The following PRKAR2B variants were observed in gnomAD, a reference collection of about 807,000 sequenced individuals.
PRKAR2B encodes protein kinase cAMP-dependent type II regulatory subunit beta.
In PRKAR2B, 14 loss-of-function variants were observed where a neutral mutation model predicts 49.9. The ratio of observed to expected loss-of-function variants is 0.28; its 90% CI spans 0.19 to 0.44. The LOEUF (loss-of-function observed/expected upper bound fraction) is 0.44, where lower values mean the gene tolerates loss of function less well. Ranked by LOEUF, PRKAR2B falls within the 20% of genes least tolerant of loss-of-function variation. The pLI is 1.00. For missense variants in PRKAR2B, 393 were observed against 537.9 expected (o/e 0.73, Z 2.67); for synonymous variants, 196 against 197.7 (o/e 0.99, Z 0.07).
chr7:107,129,472 A>G (rs1270299970), intron 4 of PRKAR2B, among the ~76,000 whole-genome samples: 1 of 152,190 alleles, frequency 6.6e-6, no homozygotes, highest in Non-Finnish European at 1.5e-5. Flanking sequence ...TAAGTAGCAG[A>G]TGGCTCACGG....
intron 1 of PRKAR2B, among the ~76,000 whole-genome samples, chr7:107,062,740 TC>T (rs1396729123): frequency 6.6e-6 from 1 of 152,212 alleles, no homozygotes. Context: ...ACTCTTGAAA[TC>T]TTTTTTTTCC....
At chr7:107,147,801 C>G (rs1397764246) in intron 6 of PRKAR2B, among the ~76,000 whole-genome samples, 1 of 152,118 alleles carries the variant, frequency 6.6e-6, no homozygotes, top group Admixed American at 6.5e-5. Context: ...CTCTCAAATC[C>G]TTTTGTGGAA....
chr7:107,053,510 T>G (rs1405910683), intron 1 of PRKAR2B, among the ~76,000 whole-genome samples: 8 of 148,866 alleles, frequency 5.4e-5, no homozygotes, highest in Non-Finnish European at 4.4e-5. Flanking sequence ...TGATTCAAGC[T>G]TCTAGATTAT....
At chr7:107,052,002 TC>T (rs1198722296) in intron 1 of PRKAR2B, among the ~76,000 whole-genome samples, 1 of 152,244 alleles carries the variant, frequency 6.6e-6, no homozygotes, top group Non-Finnish European at 1.5e-5. Flanking sequence ...AGCCGTTTGT[TC>T]CATTTGTTCT....
rs1795891078 is a variant in PRKAR2B, at chr7:107,146,297, A to C, written c.588-11A>C. 3 of 1,611,612 alleles carry C rather than the reference A, an allele frequency of 1.9e-6. No homozygotes were observed. The highest frequency in any genetic ancestry group is 2.5e-6 in the Non-Finnish European group (3 of 1,178,390). Reference sequence around the variant, plus strand: ...ATTTGAATTAACCTCCAATCTACATATGTCCAACAGAGGCACATTTGATAT... The same window carrying C: ...ATTTGAATTAACCTCCAATCTACATCTGTCCAACAGAGGCACATTTGATAT... On this transcript the variant is annotated splice_polypyrimidine_tract_variant and intron_variant, in intron 5 of 10. Coordinates refer to ENST00000265717, the MANE Select transcript of PRKAR2B (RefSeq NM_002736.3).
intron 2 of PRKAR2B, among the ~76,000 whole-genome samples, chr7:107,115,392 A>C (rs909827442): frequency 6.6e-5 from 10 of 152,224 alleles, no homozygotes; most frequent in African/African-American, 2.4e-4. Context: ...TTTCTGCCAG[A>C]AAGGTAAAAG....
intron 2 of PRKAR2B, among the ~76,000 whole-genome samples, chr7:107,097,120 T>G (rs901332696): frequency 3.3e-5 from 5 of 152,182 alleles, no homozygotes; most frequent in Non-Finnish European, 7.4e-5. Context: ...TGTTAAAGTC[T>G]CCCATTATTA....
intron 7 of PRKAR2B, among the ~76,000 whole-genome samples, chr7:107,152,180 T>C (rs1447073083): frequency 1.3e-5 from 2 of 152,212 alleles, no homozygotes; most frequent in African/African-American, 4.8e-5. Flanking sequence ...AGAGTCATCT[T>C]TTAAAATCCC....
Position 107,156,938 on chromosome 7 carries a change from A to G in PRKAR2B, c.919-46A>G, listed in dbSNP as rs1417074122. 1.3e-5 allele frequency: 20 copies of G among 1,500,300 alleles called. No homozygotes were observed. In the Admixed American group the frequency reaches 3.2e-4, roughly 24 times the overall value. The allele number at this position is 1,500,300 out of a possible 1,614,324, so 92.9% of individuals were successfully genotyped here. ...ATGAAAGGTAACAAGATTGTTGTCAATTAATTTGCATTTTCACCGTCTGTT... is the reference window on the plus strand; with the variant it reads ...ATGAAAGGTAACAAGATTGTTGTCAGTTAATTTGCATTTTCACCGTCTGTT... On this transcript the variant is annotated intron_variant, in intron 8 of 10. Coordinates refer to ENST00000265717, the MANE Select transcript of PRKAR2B (RefSeq NM_002736.3).
intron 5 of PRKAR2B, among the ~76,000 whole-genome samples, chr7:107,145,493 T>C (rs1394513019): frequency 6.6e-6 from 1 of 152,184 alleles, no homozygotes; most frequent in Admixed American, 6.5e-5. Context: ...AGATAGCGAA[T>C]ATGCCTAGAA....
chr7:107,119,996 A>G (rs1012441409), intron 2 of PRKAR2B, among the ~76,000 whole-genome samples: 4 of 152,166 alleles, frequency 2.6e-5, no homozygotes, highest in Non-Finnish European at 4.4e-5. Context: ...GTCAAGACAC[A>G]CAATCCTGGA....
chr7:107,074,781 G>C (rs1794362743), intron 2 of PRKAR2B, among the ~76,000 whole-genome samples: 1 of 152,130 alleles, frequency 6.6e-6, no homozygotes, highest in Non-Finnish European at 1.5e-5. Flanking sequence ...CTGAGCGACA[G>C]AGGGGGAGAC....
intron 5 of PRKAR2B, among the ~76,000 whole-genome samples, chr7:107,145,265 G>GA (rs1373446884): frequency 6.6e-6 from 1 of 152,140 alleles, no homozygotes; most frequent in African/African-American, 2.4e-5. Context: ...AAACAAACAA[G>GA]AGTGTTTATA....
intron 3 of PRKAR2B, among the ~76,000 whole-genome samples, chr7:107,124,757 A>T (rs1232408509): frequency 6.6e-6 from 1 of 151,960 alleles, no homozygotes; most frequent in African/African-American, 2.4e-5. Context: ...TCTAAGTTAA[A>T]ACCTTACTTG....
chr7:107,084,877 G>A (rs1194677097), intron 2 of PRKAR2B, among the ~76,000 whole-genome samples: 2 of 151,532 alleles, frequency 1.3e-5, no homozygotes, highest in African/African-American at 2.4e-5. Flanking sequence ...CACCCGCCTC[G>A]GCCTCCCAAA....
chr7:107,053,525 AGTGTGTGTGTGTGT>A (rs56855022), intron 1 of PRKAR2B, among the ~76,000 whole-genome samples: 260 of 141,994 alleles, frequency 1.8e-3, no homozygotes, highest in Non-Finnish European at 3.1e-3. Context: ...GATTATAAAG[AGTGTGTGTGTGTGT>A]GTGTGTGTGT....
At chr7:107,104,415 C>A (rs1795035007) in intron 2 of PRKAR2B, among the ~76,000 whole-genome samples, 1 of 152,126 alleles carries the variant, frequency 6.6e-6, no homozygotes, top group Non-Finnish European at 1.5e-5. Flanking sequence ...CATTCCTGGG[C>A]TAAGTCCTTG....
chr7:107,106,461 G>C (rs1795075234), intron 2 of PRKAR2B, among the ~76,000 whole-genome samples: 1 of 152,184 alleles, frequency 6.6e-6, no homozygotes, highest in Admixed American at 6.5e-5. Context: ...TAAGTCGAAA[G>C]ACTTGGCCAA....
chr7:107,100,446 A>C (rs1794938148), intron 2 of PRKAR2B, among the ~76,000 whole-genome samples: 1 of 152,172 alleles, frequency 6.6e-6, no homozygotes, highest in African/African-American at 2.4e-5. Context: ...TGAGTTTAAC[A>C]GTTTGATTAA....
Sources: gnomAD v4.1 joint callset for allele counts (sites outside exome capture counted in the v4.1 genomes callset) on GRCh38, gnomAD v4.1.1 for gene constraint, MANE v1.5 for transcripts, NCBI Gene and HGNC (gene_info 2026-07-23, HGNC 2026-07-21) for gene names.